The following CHRNB3 variants were observed in gnomAD, a reference collection of about 807,000 sequenced individuals.
The protein encoded by CHRNB3 is neuronal acetylcholine receptor subunit beta-3.
CHRNB3 carries 37 observed loss-of-function variants against 40.6 expected under a neutral mutation model. That is an observed-to-expected ratio of 0.91 (90% CI 0.70 to 1.20). The LOEUF (loss-of-function observed/expected upper bound fraction) is 1.20. Among genes scored for constraint, CHRNB3 ranks in the 50% most tolerant of loss-of-function variants. CHRNB3 has a pLI of 0.00. For synonymous variants in CHRNB3, 207 were observed against 207.1 expected (o/e 1.00, Z 0.00); for missense variants, 505 against 551.2 (o/e 0.92, Z 0.84).
intron 3 of CHRNB3, among the ~76,000 whole-genome samples, chr8:42,723,284 T>A (rs1299217708): frequency 6.6e-6 from 1 of 152,178 alleles, no homozygotes; most frequent in Non-Finnish European, 1.5e-5. Flanking sequence ...GTTTGCCTTT[T>A]AACAGGTGTT....
intron 1 of CHRNB3, among the ~76,000 whole-genome samples, chr8:42,698,340 G>T (rs897356580): frequency 2.0e-5 from 3 of 152,202 alleles, no homozygotes; most frequent in African/African-American, 7.2e-5. Flanking sequence ...CTTGAGAACA[G>T]AAAGTTTTCC....
chr8:42,721,328 T>G (rs562244126), intron 3 of CHRNB3, among the ~76,000 whole-genome samples: 43 of 152,282 alleles, frequency 2.8e-4, no homozygotes, highest in African/African-American at 9.4e-4. Flanking sequence ...AGGACCTGGT[T>G]CCTCTCTGGG....
At chr8:42,735,752 A>C (rs1047772673) in intron 5 of CHRNB3, among the ~76,000 whole-genome samples, 4 of 151,992 alleles carry the variant, frequency 2.6e-5, no homozygotes, top group Admixed American at 6.6e-5. Flanking sequence ...TGTCTCCTTC[A>C]TGAATTCCTG....
chr8:42,727,679 A>G (rs1816334919), intron 3 of CHRNB3, among the ~76,000 whole-genome samples: 1 of 152,118 alleles, frequency 6.6e-6, no homozygotes, highest in Non-Finnish European at 1.5e-5. Flanking sequence ...CCTGGCCAAC[A>G]TGGTGAAACC....
At chr8:42,721,362 G>A (rs1385941656) in intron 3 of CHRNB3, among the ~76,000 whole-genome samples, 2 of 152,084 alleles carry the variant, frequency 1.3e-5, no homozygotes, top group African/African-American at 4.8e-5. Flanking sequence ...CCTGTCCTCT[G>A]TGTTGATTCC....
Position 42,708,863 on chromosome 8 carries a change from G to A in CHRNB3, c.199G>A (p.Asp67Asn), listed in dbSNP as rs772803189. Residue 67 changes from aspartate to asparagine, a missense_variant, in exon 2 of 6, where the codon GAT becomes AAT. Physicochemically the swap from Asp to Asn is conservative, Grantham distance 23 (BLOSUM62 1). Coordinates refer to ENST00000289957, the MANE Select transcript of CHRNB3 (RefSeq NM_000749.5). Reference protein sequence around the residue: ...YFGLKISQLVDVDEKNQLMTT... With the variant: ...YFGLKISQLVNVDEKNQLMTT... ...TGGATTGAAAATATCCCAGCTTGTA[G>A]ATGTGGTGAGTAATCCTTGGCACTT... The A allele has an allele frequency of 1.2e-6, 2 of 1,612,614 alleles. No homozygotes were observed. Among genetic ancestry groups the A allele is most frequent in the Non-Finnish European group, 1.7e-6 (2 of 1,179,268 alleles).
intron 5 of CHRNB3, among the ~76,000 whole-genome samples, chr8:42,734,317 C>T (rs1472558122): frequency 6.9e-6 from 1 of 144,290 alleles, no homozygotes; most frequent in Non-Finnish European, 1.5e-5. Flanking sequence ...TACATATTTT[C>T]AATTTATATG....
In CHRNB3 at chr8:42,737,135, G is replaced by A. The variant is rs974212199; in HGVS notation, c.*517G>A. On this transcript the variant is annotated 3_prime_UTR_variant, in exon 6 of 6. Coordinates refer to ENST00000289957, the MANE Select transcript of CHRNB3 (RefSeq NM_000749.5). Reference sequence around the variant, plus strand: ...CAATGGGCCAGGCAAATCTCAACAAGGGTTTGGGGATTACACTGGCAGGAT... The same window carrying A: ...CAATGGGCCAGGCAAATCTCAACAAAGGTTTGGGGATTACACTGGCAGGAT... 2.6e-5 allele frequency: 4 copies of A among 155,760 alleles called. No homozygotes were observed. Among genetic ancestry groups the A allele is most frequent in the Non-Finnish European group, 2.8e-5 (2 of 70,376 alleles). The allele number at this position is 155,760 out of a possible 1,614,324, so 9.6% of individuals were successfully genotyped here. A position where few individuals can be genotyped will look rare whatever the true frequency, so the allele number is the denominator to read the frequency against.
chr8:42,736,653 G>A lies in CHRNB3; in HGVS notation c.*35G>A. ...AGACATAAGACTAAATTACACCTTA[G>A]ACCTGACATCTGGCTATCACACAGA... On this transcript the variant is annotated 3_prime_UTR_variant, in exon 6 of 6. Transcript: ENST00000289957. The A allele has an allele frequency of 1.9e-6, 3 of 1,612,372 alleles. No individual in the cohort carries two copies. Among genetic ancestry groups the A allele is most frequent in the Non-Finnish European group, 2.5e-6 (3 of 1,178,832 alleles).
chr8:42,706,874 C>T (rs1279579159), intron 1 of CHRNB3, among the ~76,000 whole-genome samples: 1 of 152,168 alleles, frequency 6.6e-6, no homozygotes, highest in Non-Finnish European at 1.5e-5. Context: ...CATCCTCCTG[C>T]CCCAGCCTCC....
rs758846444 is a variant in CHRNB3, at chr8:42,732,265, G to C, written c.958G>C (p.Val320Leu). The change falls in exon 5 of 6, where the codon GTT becomes CTT. Residue 320 changes from valine (V) to leucine (L), a missense_variant. Physicochemically the swap from Val to Leu is conservative, Grantham distance 32. Transcript: ENST00000289957. ...CATTGTTACCGTGTTTGTCATTAACGTTCACCACAGATCTTCTTCCACGTA... is the reference window on the plus strand; with the variant it reads ...CATTGTTACCGTGTTTGTCATTAACCTTCACCACAGATCTTCTTCCACGTA... ...SIIVTVFVIN[V>L]HHRSSSTYHP... 1.9e-6 allele frequency: 3 copies of C among 1,611,024 alleles called. No homozygotes were observed. The highest frequency in any genetic ancestry group is 2.5e-6 in the Non-Finnish European group (3 of 1,179,204).
At chr8:42,713,846 T>A (rs1415550149) in intron 3 of CHRNB3, among the ~76,000 whole-genome samples, 1 of 152,168 alleles carries the variant, frequency 6.6e-6, no homozygotes, top group Non-Finnish European at 1.5e-5. Context: ...CCAGTCCTCA[T>A]CCAGCAGGAA....
At chr8:42,725,827 T>G in intron 3 of CHRNB3, 1 of 827,220 alleles carries the variant, frequency 1.2e-6, no homozygotes, top group Non-Finnish European at 2.1e-6. Flanking sequence ...CACATAAGTT[T>G]CCACTATACG....
chr8:42,721,752 AAAAC>A, intron 3 of CHRNB3: 1 of 152,202 alleles, frequency 6.6e-6, no homozygotes, highest in East Asian at 1.9e-4. Context: ...AAAACAAAAC[AAAAC>A]AAAACATTTC....
intron 1 of CHRNB3, among the ~76,000 whole-genome samples, chr8:42,708,196 G>A (rs1171464564): frequency 6.6e-6 from 1 of 152,214 alleles, no homozygotes; most frequent in African/African-American, 2.4e-5. Flanking sequence ...GCCGGGCGTG[G>A]TGGCTCACGC....
rs146878394 is a variant in CHRNB3, at chr8:42,721,450, G to A, written c.250-9144G>A. 7.2e-5 allele frequency among the ~76,000 whole-genome samples: 11 copies of A among 152,178 alleles called. No homozygotes were observed. In the East Asian group the frequency reaches 1.4e-3, roughly 19 times the overall value. ...TCAAAATGCTTCCTATAAGCCAGGC[G>A]CAGTGGCTCACACCTGTAATCTCAG... On this transcript the variant is annotated intron_variant, in intron 3 of 5. Transcript: ENST00000289957.
At chr8:42,726,303 G>A (rs1037606253) in intron 3 of CHRNB3, 2 of 572,240 alleles carry the variant, frequency 3.5e-6, no homozygotes, top group Non-Finnish European at 6.1e-6. Flanking sequence ...AGATTGGAAA[G>A]GAAGAAATAA....
At chr8:42,700,438 C>T (rs1815770816) in intron 1 of CHRNB3, among the ~76,000 whole-genome samples, 1 of 152,164 alleles carries the variant, frequency 6.6e-6, no homozygotes, top group South Asian at 2.1e-4. Context: ...TCTCCTGCCT[C>T]AGCCTCCCGA....
At chr8:42,703,460 A>ATATATATATATATATATG in intron 1 of CHRNB3, among the ~76,000 whole-genome samples, 1 of 121,334 alleles carries the variant, frequency 8.2e-6, no homozygotes, top group African/African-American at 2.8e-5. Flanking sequence ...ATATATATAT[A>ATATATATATATATATATG]TGTATCCACA....
Sources: allele counts gnomAD v4.1 joint callset (sites outside exome capture counted in the v4.1 genomes callset), GRCh38; gene constraint gnomAD v4.1.1; transcripts MANE v1.5; gene names NCBI Gene and HGNC (gene_info 2026-07-23, HGNC 2026-07-21).